KDM4C: variants seen among roughly 807,000 people sequenced by gnomAD.
The protein encoded by KDM4C is lysine-specific demethylase 4C.
A neutral mutation model predicts 129.3 loss-of-function variants in KDM4C; 81 were observed. That is an observed-to-expected ratio of 0.63 (90% CI 0.52 to 0.75). The LOEUF (loss-of-function observed/expected upper bound fraction) is 0.75, where lower values mean the gene tolerates loss of function less well. Ranked by LOEUF, KDM4C falls within the 30% of genes least tolerant of loss-of-function variation. KDM4C has a pLI of 0.00. For synonymous variants in KDM4C, 573 were observed against 456.1 expected (o/e 1.26, Z -3.26); for missense variants, 1,457 against 1,304.0 (o/e 1.12, Z -1.81).
chr9:7,150,155 C>T (rs918971828), intron 19 of KDM4C, among the ~76,000 whole-genome samples: 2 of 152,180 alleles, frequency 1.3e-5, no homozygotes, highest in African/African-American at 2.4e-5. Context: ...TTGACAATGC[C>T]GGAGCCCCAA....
intron 8 of KDM4C, among the ~76,000 whole-genome samples, chr9:6,947,594 A>T (rs1383666586): frequency 1.3e-5 from 2 of 152,018 alleles, no homozygotes; most frequent in African/African-American, 4.8e-5. Context: ...CCCATCTAGT[A>T]TTGTTTTCAT....
chr9:6,915,588 T>G (rs926108118), intron 8 of KDM4C, among the ~76,000 whole-genome samples: 4 of 152,194 alleles, frequency 2.6e-5, no homozygotes, highest in African/African-American at 7.2e-5. Context: ...TTTTAACCCT[T>G]AAGAGAGATA....
chr9:6,852,328 G>A (rs1355639018), intron 5 of KDM4C, among the ~76,000 whole-genome samples: 1 of 152,156 alleles, frequency 6.6e-6, no homozygotes, highest in African/African-American at 2.4e-5. Context: ...CAGTAATCAG[G>A]GCTGTAGTCT....
At position 7,103,772 on chromosome 9, in the gene KDM4C, G is replaced by A. The variant is rs1179378209; in HGVS notation, c.2512G>A (p.Val838Ile). 6.2e-7 allele frequency: 1 copy of A among 1,614,006 alleles called. No homozygotes were observed. The highest frequency in any genetic ancestry group is 8.5e-7 in the Non-Finnish European group (1 of 1,179,950). ...CGGTCGCTGCCCGGCCTCCTTCCATGTCACTTGTGCCCATGCTGCTGGGGT... is the reference window on the plus strand; with the variant it reads ...CGGTCGCTGCCCGGCCTCCTTCCATATCACTTGTGCCCATGCTGCTGGGGT... The part of the protein sequence containing the change: ...SYGRCPASFH[V>I]TCAHAAGVLM... The change falls in exon 18 of 22, where the codon GTC becomes ATC. Residue 838 changes from valine to isoleucine, a missense_variant. By Grantham distance (29) the Val-to-Ile change is conservative. Coordinates refer to ENST00000381309, the MANE Select transcript of KDM4C (RefSeq NM_015061.6).
chr9:6,936,621 G>T (rs10975915), intron 8 of KDM4C, among the ~76,000 whole-genome samples: 2,311 of 152,298 alleles, frequency 0.015, 19 homozygotes, highest in Non-Finnish European at 0.025. Context: ...ATATCATTCT[G>T]ATGAATGAGA....
rs1378683041 is a variant in KDM4C at position 6,795,779 on chromosome 9, C to G, written c.144+2647C>G. Among the ~76,000 whole-genome samples the G allele has an allele frequency of 4.6e-5, 7 of 151,952 alleles. No individual in the cohort carries two copies. The East Asian group carries it at 1.4e-3, about 29-fold the overall frequency. ...CTGGACCTTCCAGGTTCAAGCGATC[C>G]CCCTCCCTCAGCCCCGCAATTAGCT... On this transcript the variant is annotated intron_variant, in intron 2 of 21. Transcript: ENST00000381309.
At chr9:6,975,463 G>A (rs553413313) in intron 8 of KDM4C, among the ~76,000 whole-genome samples, 7 of 152,338 alleles carry the variant, frequency 4.6e-5, no homozygotes, top group African/African-American at 1.7e-4. Context: ...GGGTAAGAGT[G>A]TAGAAGTGCT....
intron 14 of KDM4C, among the ~76,000 whole-genome samples, chr9:7,014,781 A>G (rs554300745): frequency 6.6e-6 from 1 of 152,210 alleles, no homozygotes; most frequent in South Asian, 2.1e-4. Flanking sequence ...ATTCCTTTGT[A>G]TTAGGGTTGA....
chr9:6,923,829 G>A (rs886983425), intron 8 of KDM4C, among the ~76,000 whole-genome samples: 3 of 152,100 alleles, frequency 2.0e-5, no homozygotes, highest in Non-Finnish European at 2.9e-5. Flanking sequence ...CTTTTTGGGG[G>A]CAGAGAACCA....
rs1817270710 is a variant in KDM4C at position 6,730,111 on chromosome 9, A to G, written c.49+9114A>G. ...GGCAACAAAGCGAGACTCAGTCTTA[A>G]AAAAAAGAAAAAAAAAAAGGCTTGT... On this transcript the variant is annotated intron_variant, in intron 1 of 17. Transcript: ENST00000536108. Among the ~76,000 whole-genome samples the G allele has an allele frequency of 1.3e-5, 2 of 149,174 alleles. 1 individual carries two copies. Among genetic ancestry groups the G allele is most frequent in the East Asian group, 3.9e-4 (2 of 5,158 alleles).
chr9:6,881,451 A>G (rs929767617), intron 6 of KDM4C, among the ~76,000 whole-genome samples: 2 of 152,198 alleles, frequency 1.3e-5, no homozygotes, highest in African/African-American at 4.8e-5. Context: ...ACACTTAACT[A>G]CGTAGGAAGT....
rs569757651 is a variant in KDM4C, at chr9:6,919,000, G to A, written c.921+25768G>A. ...CCGAGTAGCTGGGATTACAGGCAAC[G>A]GCCACCATGCCTGGCTAATTTTTGT... On this transcript the variant is annotated intron_variant, in intron 8 of 21. Coordinates refer to ENST00000381309, the MANE Select transcript of KDM4C (RefSeq NM_015061.6). 6.6e-5 allele frequency among the ~76,000 whole-genome samples: 10 copies of A among 151,822 alleles called. No homozygotes were observed. In the South Asian group the frequency reaches 1.5e-3, roughly 22 times the overall value.
rs7035376 is a variant in KDM4C at position 6,972,255 on chromosome 9, G to A, written c.922-8670G>A. ...TGAAAATAGGGGTGTGTGTGTGTGT[G>A]TATATATATATACACACATATGTAT... On this transcript the variant is annotated intron_variant, in intron 8 of 21. Transcript: ENST00000381309. Among the ~76,000 whole-genome samples the A allele has an allele frequency of 5.8e-3, 878 of 150,988 alleles. 9 individuals are homozygous for A. The highest frequency in any genetic ancestry group is 0.016 in the African/African-American group (679 of 41,152).
At chr9:7,043,368 A>G (rs753033431) in intron 15 of KDM4C, among the ~76,000 whole-genome samples, 1 of 152,038 alleles carries the variant, frequency 6.6e-6, no homozygotes, top group Non-Finnish European at 1.5e-5. Context: ...GTAGTGCCTT[A>G]CATGTATCAG....
chr9:7,030,482 G>T (rs530006753), intron 15 of KDM4C, among the ~76,000 whole-genome samples: 1 of 152,170 alleles, frequency 6.6e-6, no homozygotes, highest in Non-Finnish European at 1.5e-5. Flanking sequence ...TGATGTGTCA[G>T]TGTAGGTTCA....
intron 1 of KDM4C, among the ~76,000 whole-genome samples, chr9:6,725,931 ATT>A (rs1228503073): frequency 3.5e-5 from 2 of 57,654 alleles, no homozygotes; most frequent in Non-Finnish European, 3.7e-5. Flanking sequence ...TTCTTTCTTT[ATT>A]TTTTTTTTTT....
chr9:6,771,461 G>A (rs996651911), intron 1 of KDM4C, among the ~76,000 whole-genome samples: 8 of 151,644 alleles, frequency 5.3e-5, no homozygotes, highest in Non-Finnish European at 1.0e-4. Flanking sequence ...ACAGGCATGC[G>A]CCACCATGCC....
At chr9:7,146,853 G>A (rs1446356005) in intron 19 of KDM4C, among the ~76,000 whole-genome samples, 1 of 152,190 alleles carries the variant, frequency 6.6e-6, no homozygotes, top group Non-Finnish European at 1.5e-5. Context: ...ATTGTCCTCT[G>A]TAGTTCTGTG....
At chr9:7,103,417 C>T (rs912865283) in intron 17 of KDM4C, among the ~76,000 whole-genome samples, 2 of 152,142 alleles carry the variant, frequency 1.3e-5, no homozygotes, top group South Asian at 4.1e-4. Flanking sequence ...GGAGTATGTG[C>T]GAAAGTGTTT....
Sources: gnomAD v4.1 joint callset for allele counts (sites outside exome capture counted in the v4.1 genomes callset) on GRCh38, gnomAD v4.1.1 for gene constraint, MANE v1.5 for transcripts, NCBI Gene and HGNC (gene_info 2026-07-23, HGNC 2026-07-21) for gene names.